Variants in THUMPD3 observed in about 807,000 individuals in gnomAD.
THUMPD3 encodes the protein tRNA (guanine(6)-N(2))-methyltransferase THUMP3.
Under a neutral mutation model 54.5 loss-of-function variants are expected in THUMPD3, and 44 were observed. The observed-to-expected ratio is 0.81, with a 90% confidence interval of 0.63 to 1.04. The LOEUF is 1.04. THUMPD3 is among the 50% of genes least tolerant of loss of function. The probability of loss-of-function intolerance (pLI) is 0.00; values close to 1 mark genes in which losing one functional copy is unlikely to be tolerated. For missense variants in THUMPD3, 604 were observed against 601.3 expected (o/e 1.00, Z -0.05); for synonymous variants, 196 against 201.4 (o/e 0.97, Z 0.23).
In THUMPD3 at chr3:9,386,742, T is replaced by TAAAAG. The variant is rs1322853037; in HGVS notation, c.*2057_*2061dup. ...AACCTTCAAAGTGGGTCTCCTGGAC[T>TAAAAG]AAAAGAATGTGAAAAGATGGGGAAA... On this transcript the variant is annotated 3_prime_UTR_variant, in exon 10 of 10. Coordinates refer to ENST00000452837, the MANE Select transcript of THUMPD3 (RefSeq NM_001114092.2). 6.6e-6 allele frequency: 1 copy of TAAAAG among 152,030 alleles called. No individual in the cohort carries two copies. The highest frequency in any genetic ancestry group is 1.5e-5 in the Non-Finnish European group (1 of 68,004). The allele number at this position is 152,030 out of a possible 1,614,324, so 9.4% of individuals were successfully genotyped here.
Position 9,384,274 on chromosome 3 carries a change from T to C in THUMPD3, c.1298T>C (p.Val433Ala). 6.2e-7 allele frequency: 1 copy of C among 1,614,220 alleles called. No homozygotes were observed. The highest frequency in any genetic ancestry group is 8.5e-7 in the Non-Finnish European group (1 of 1,180,030). ...GCTTGCCTACGGGAGATGAGCCGTG[T>C]CTGCACACCTACCACAGGCCGAGCT... ...YPACLREMSR[V>A]CTPTTGRAVL... The change falls in exon 9 of 10, where the codon GTC becomes GCC. Residue 433 changes from valine (V) to alanine (A), a missense_variant. Physicochemically the swap from Val to Ala is moderately conservative, Grantham distance 64 (BLOSUM62 0). Coordinates refer to ENST00000452837, the MANE Select transcript of THUMPD3 (RefSeq NM_001114092.2).
At chr3:9,367,253 T>A (rs2031639709) in intron 3 of THUMPD3, among the ~76,000 whole-genome samples, 1 of 152,248 alleles carries the variant, frequency 6.6e-6, no homozygotes, top group Non-Finnish European at 1.5e-5. Flanking sequence ...AGATTTGCTT[T>A]GCTTTTACAT....
At chr3:9,372,566 C>G (rs889759443) in intron 4 of THUMPD3, among the ~76,000 whole-genome samples, 1 of 150,932 alleles carries the variant, frequency 6.6e-6, no homozygotes, top group Non-Finnish European at 1.5e-5. Flanking sequence ...GGTGACAGAG[C>G]AAGACTCCAT....
chr3:9,383,834 C>G (rs547062650), intron 8 of THUMPD3, among the ~76,000 whole-genome samples: 1 of 152,298 alleles, frequency 6.6e-6, no homozygotes, highest in East Asian at 1.9e-4. Flanking sequence ...ATTGGCCAGG[C>G]TGGTCTCAAA....
chr3:9,364,123 A>G (rs2125303666), intron 1 of THUMPD3: 2 of 152,110 alleles, frequency 1.3e-5, no homozygotes, highest in East Asian at 1.9e-4. Flanking sequence ...TAGATAGCCT[A>G]TTAATAAGTT....
intron 7 of THUMPD3, among the ~76,000 whole-genome samples, chr3:9,381,151 G>A (rs1329989991): frequency 6.6e-6 from 1 of 152,138 alleles, no homozygotes; most frequent in East Asian, 1.9e-4. Context: ...CCAGGCTGGT[G>A]TCAAACTCCT....
intron 7 of THUMPD3, 152 bp downstream of exon 7, chr3:9,380,770 G>T: frequency 2.2e-6 from 1 of 455,814 alleles, no homozygotes. Context: ...AAAGTTTATT[G>T]AAAATAAGTT....
intron 3 of THUMPD3, among the ~76,000 whole-genome samples, chr3:9,369,535 A>G (rs2031863049): frequency 6.6e-6 from 1 of 152,196 alleles, no homozygotes; most frequent in South Asian, 2.1e-4. Flanking sequence ...TCATGTTGGC[A>G]CTTCAAAAAA....
chr3:9,365,837 G>T (rs1404413831), intron 2 of THUMPD3, among the ~76,000 whole-genome samples: 1 of 151,942 alleles, frequency 6.6e-6, no homozygotes, highest in Non-Finnish European at 1.5e-5. Context: ...TGATCCACCC[G>T]CCTCGACCTC....
chr3:9,368,348 C>T (rs2031737845), intron 3 of THUMPD3, among the ~76,000 whole-genome samples: 1 of 145,406 alleles, frequency 6.9e-6, no homozygotes, highest in Non-Finnish European at 1.5e-5. Flanking sequence ...TTCCCCACCT[C>T]CACCCGCGCA....
chr3:9,378,026 G>A (rs1216830830), intron 6 of THUMPD3, 138 bp downstream of exon 6: 2 of 682,404 alleles, frequency 2.9e-6, no homozygotes, highest in Admixed American at 2.8e-5. Flanking sequence ...ACAATAGAAA[G>A]TGGAACTTTT....
At chr3:9,369,764 C>G (rs2031882856) in intron 3 of THUMPD3, among the ~76,000 whole-genome samples, 1 of 152,190 alleles carries the variant, frequency 6.6e-6, no homozygotes, top group Non-Finnish European at 1.5e-5. Flanking sequence ...CATATTCAAA[C>G]TGAGTGTCAT....
intron 5 of THUMPD3, 127 bp from the exon 6 acceptor site, chr3:9,377,692 A>G (rs954423693): frequency 9.8e-5 from 66 of 671,452 alleles, no homozygotes; most frequent in Non-Finnish European, 9.4e-5. Flanking sequence ...GATTTCTAAA[A>G]TATGTGTAGA....
chr3:9,377,540 A>T (rs1483657079), intron 5 of THUMPD3, among the ~76,000 whole-genome samples: 3 of 151,858 alleles, frequency 2.0e-5, no homozygotes, highest in Admixed American at 1.3e-4. Context: ...CGCCCAGCTA[A>T]TTTTTTGTAT....
Position 9,365,253 on chromosome 3 carries a change from C to T in THUMPD3, c.185C>T (p.Ser62Leu). The T allele has an allele frequency of 6.2e-7, 1 of 1,614,162 alleles. No homozygotes were observed. Among genetic ancestry groups the T allele is most frequent in the Non-Finnish European group, 8.5e-7 (1 of 1,180,034 alleles). The change falls in exon 2 of 10, where the codon TCA (serine) becomes TTA (leucine). Residue 62 changes from serine to leucine, a missense_variant. Physicochemically the swap from Ser to Leu is moderately radical, Grantham distance 145. Transcript: ENST00000452837. Reference sequence around the variant, plus strand: ...GATGAAGTCAGAGAGAAACTTGGGTCATCATGCAAAATCAGCAGAGACCGT... The same window carrying T: ...GATGAAGTCAGAGAGAAACTTGGGTTATCATGCAAAATCAGCAGAGACCGT... ...AADEVREKLG[S>L]SCKISRDRGK...
chr3:9,381,583 GAATT>G (rs2032897951), intron 7 of THUMPD3, among the ~76,000 whole-genome samples: 1 of 149,160 alleles, frequency 6.7e-6, no homozygotes, highest in African/African-American at 2.5e-5. Flanking sequence ...TTATTGTGAT[GAATT>G]AATTTTGAAT....
chr3:9,376,175 A>C (rs559718661), intron 5 of THUMPD3, among the ~76,000 whole-genome samples: 2 of 152,334 alleles, frequency 1.3e-5, no homozygotes, highest in East Asian at 3.9e-4. Context: ...AGGATAAAAA[A>C]GTGATAATTG....
intron 3 of THUMPD3, among the ~76,000 whole-genome samples, chr3:9,367,585 A>G (rs568136192): frequency 1.8e-4 from 27 of 152,364 alleles, no homozygotes; most frequent in Admixed American, 1.8e-3. Context: ...TTAACCGCTT[A>G]AAAACATTTT....
At chr3:9,365,882 G>C (rs546335993) in intron 2 of THUMPD3, among the ~76,000 whole-genome samples, 1 of 152,014 alleles carries the variant, frequency 6.6e-6, no homozygotes, top group Non-Finnish European at 1.5e-5. Context: ...GAGCCACTGC[G>C]CTCGGCCTGC....
Sources: allele counts gnomAD v4.1 joint callset (sites outside exome capture counted in the v4.1 genomes callset), GRCh38; gene constraint gnomAD v4.1.1; transcripts MANE v1.5; gene names NCBI Gene and HGNC (gene_info 2026-07-23, HGNC 2026-07-21).